The following SLCO1C1 variants were observed in gnomAD, a reference collection of about 807,000 sequenced individuals.
The protein encoded by SLCO1C1 is solute carrier organic anion transporter family member 1C1.
Under a neutral mutation model 76.4 loss-of-function variants are expected in SLCO1C1, and 70 were observed. That is an observed-to-expected ratio of 0.92 (90% CI 0.76 to 1.12). The LOEUF is 1.12. Ranked by LOEUF, SLCO1C1 falls within the 50% of genes most tolerant of loss-of-function variation. SLCO1C1 has a pLI of 0.00. For missense variants in SLCO1C1, 912 were observed against 823.8 expected (o/e 1.11, Z -1.31); for synonymous variants, 306 against 286.1 (o/e 1.07, Z -0.70).
chr12:20,727,952 T>G (rs1175609421), intron 9 of SLCO1C1, among the ~76,000 whole-genome samples: 6 of 152,252 alleles, frequency 3.9e-5, no homozygotes. Flanking sequence ...CGTGAATGTT[T>G]TCTCCCATTC....
chr12:20,751,120 A>G (rs74918672), intron 14 of SLCO1C1, among the ~76,000 whole-genome samples: 4,007 of 152,216 alleles, frequency 0.026, 190 homozygotes, highest in African/African-American at 0.091. Context: ...ATTTAAATTT[A>G]GGTCACATTT....
intron 13 of SLCO1C1, among the ~76,000 whole-genome samples, chr12:20,745,061 T>C (rs1460192279): frequency 6.6e-6 from 1 of 152,182 alleles, no homozygotes; most frequent in Non-Finnish European, 1.5e-5. Flanking sequence ...GGAAATATTA[T>C]ATGCATGTGC....
chr12:20,698,182 TTATG>T (rs1198804542), intron 1 of SLCO1C1, among the ~76,000 whole-genome samples: 1 of 152,058 alleles, frequency 6.6e-6, no homozygotes, highest in Non-Finnish European at 1.5e-5. Flanking sequence ...CTCATTAATA[TTATG>T]TATTTATATC....
intron 9 of SLCO1C1, among the ~76,000 whole-genome samples, chr12:20,726,761 G>A (rs139561436): frequency 3.2e-4 from 49 of 152,164 alleles, no homozygotes; most frequent in African/African-American, 1.2e-3. Context: ...TGTTACAAAG[G>A]TATATTGCAT....
chr12:20,724,105 T>C (rs1034004038), intron 9 of SLCO1C1, among the ~76,000 whole-genome samples: 1 of 152,066 alleles, frequency 6.6e-6, no homozygotes, highest in Non-Finnish European at 1.5e-5. Context: ...TCCAAAATTC[T>C]TGATGTTAAG....
At chr12:20,750,891 G>C in intron 14 of SLCO1C1, 99 bp downstream of exon 14, 1 of 1,610,796 alleles carries the variant, frequency 6.2e-7, no homozygotes, top group South Asian at 1.1e-5. Flanking sequence ...TTCACTGCTT[G>C]TAAGGTAAAG....
At chr12:20,727,751 T>C (rs1157144227) in intron 9 of SLCO1C1, among the ~76,000 whole-genome samples, 5 of 152,134 alleles carry the variant, frequency 3.3e-5, no homozygotes, top group Admixed American at 6.6e-5. Context: ...CCTTGTGATC[T>C]GCCCGCCTCG....
chr12:20,732,601 G>A (rs1470603085), intron 9 of SLCO1C1, among the ~76,000 whole-genome samples: 1 of 151,966 alleles, frequency 6.6e-6, no homozygotes, highest in Non-Finnish European at 1.5e-5. Context: ...AACATTAATG[G>A]GCACCTAATT....
intron 11 of SLCO1C1, among the ~76,000 whole-genome samples, chr12:20,739,844 G>A (rs1206022533): frequency 2.0e-5 from 3 of 152,274 alleles, no homozygotes; most frequent in South Asian, 2.1e-4. Context: ...AACAAGTTGC[G>A]CATAAAGGGA....
chr12:20,740,528 T>C (rs545984506), intron 12 of SLCO1C1, among the ~76,000 whole-genome samples, 160 bp downstream of exon 12: 18 of 151,800 alleles, frequency 1.2e-4, no homozygotes, highest in African/African-American at 4.1e-4. Flanking sequence ...ACTTTGGGTA[T>C]TTATACAAAA....
In SLCO1C1 at chr12:20,727,731, A is replaced by T. The variant is rs1027280039; in HGVS notation, c.1186+4477A>T. Among the ~76,000 whole-genome samples, 3 of 152,012 alleles carry T rather than the reference A, an allele frequency of 2.0e-5. No individual in the cohort carries two copies. The East Asian group carries it at 5.8e-4, about 29-fold the overall frequency. The stretch of plus-strand genomic sequence containing the variant: ...TCACTGTGTTAGCCAGGATGGTCTC[A>T]ATCTCCTGACCTTGTGATCTGCCCG... On this transcript the variant is annotated intron_variant, in intron 9 of 14. Transcript: ENST00000266509.
chr12:20,750,814 C>G (rs779973532), intron 14 of SLCO1C1, 22 bp downstream of exon 14: 1 of 1,613,810 alleles, frequency 6.2e-7, no homozygotes. Flanking sequence ...AAAGCATTCC[C>G]GCATCTCATT....
chr12:20,721,611 G>A (rs1179022827), intron 7 of SLCO1C1, among the ~76,000 whole-genome samples, 193 bp from the exon 8 acceptor site: 1 of 151,842 alleles, frequency 6.6e-6, no homozygotes, highest in East Asian at 1.9e-4. Context: ...TCATTGTGGT[G>A]GTCTGGAGCT....
Position 20,752,500 on chromosome 12 carries a change from A to G in SLCO1C1, c.2111A>G (p.Tyr704Cys). 6.3e-7 allele frequency: 1 copy of G among 1,599,174 alleles called. No individual in the cohort carries two copies. The highest frequency in any genetic ancestry group is 8.5e-7 in the Non-Finnish European group (1 of 1,171,500). ...TTSDHLLQPN[Y>C]WPGKETQL Reference sequence around the variant, plus strand: ...AGTGATCATCTGCTACAACCCAACTACTGGCCAGGCAAGGAAACTCAACTT... The same window carrying G: ...AGTGATCATCTGCTACAACCCAACTGCTGGCCAGGCAAGGAAACTCAACTT... Residue 704 changes from tyrosine (Y) to cysteine (C), a missense_variant, in exon 15 of 15, where the codon TAC (tyrosine) becomes TGC (cysteine). By Grantham distance (194) the Tyr-to-Cys change is radical. Coordinates refer to ENST00000266509, the MANE Select transcript of SLCO1C1 (RefSeq NM_017435.5).
chr12:20,703,689 T>C (rs1946634711), intron 3 of SLCO1C1, among the ~76,000 whole-genome samples: 1 of 151,828 alleles, frequency 6.6e-6, no homozygotes, highest in South Asian at 2.1e-4. Flanking sequence ...ATTTGTTATA[T>C]AGGGATTTAA....
chr12:20,719,295 T>A (rs1244835525), intron 7 of SLCO1C1, among the ~76,000 whole-genome samples: 1 of 152,226 alleles, frequency 6.6e-6, no homozygotes, highest in East Asian at 1.9e-4. Context: ...TCTCTCTTTT[T>A]GGACTTCCCG....
chr12:20,746,037 C>T (rs575995830), intron 13 of SLCO1C1, among the ~76,000 whole-genome samples: 1 of 152,138 alleles, frequency 6.6e-6, no homozygotes, highest in Non-Finnish European at 1.5e-5. Context: ...GCATATGGCA[C>T]CTTGGAGAAA....
At chr12:20,740,973 A>G (rs909860561) in intron 12 of SLCO1C1, among the ~76,000 whole-genome samples, 1 of 151,760 alleles carries the variant, frequency 6.6e-6, no homozygotes, top group Non-Finnish European at 1.5e-5. Context: ...TAATTTATAA[A>G]GGAAAGAGGT....
chr12:20,701,529 C>A, intron 3 of SLCO1C1, 70 bp downstream of exon 3: 10 of 1,138,580 alleles, frequency 8.8e-6, no homozygotes, highest in Non-Finnish European at 1.1e-5. Context: ...AGAACACCTT[C>A]TGCATTCTAT....
Sources: gnomAD v4.1 joint callset for allele counts (sites outside exome capture counted in the v4.1 genomes callset) on GRCh38, gnomAD v4.1.1 for gene constraint, MANE v1.5 for transcripts, NCBI Gene and HGNC (gene_info 2026-07-23, HGNC 2026-07-21) for gene names.